The following ALOX5 variants were observed in gnomAD, a reference collection of about 807,000 sequenced individuals.
The protein encoded by ALOX5 is polyunsaturated fatty acid 5-lipoxygenase.
ALOX5 carries 64 observed loss-of-function variants against 87.9 expected under a neutral mutation model. The ratio of observed to expected loss-of-function variants is 0.73; its 90% CI spans 0.60 to 0.90. The LOEUF is 0.90. Ranked by LOEUF, ALOX5 falls within the 40% of genes least tolerant of loss-of-function variation. The pLI, the probability that ALOX5 is intolerant of heterozygous loss-of-function variation, is 0.00. For synonymous variants in ALOX5, 388 were observed against 355.1 expected, an observed-to-expected ratio of 1.09 and a Z score of -1.04; for missense variants, 822 against 907.5, an observed-to-expected ratio of 0.91 and a Z score of 1.21.
At chr10:45,375,471 C>T (rs1267741335) in intron 1 of ALOX5, among the ~76,000 whole-genome samples, 1 of 152,232 alleles carries the variant, frequency 6.6e-6, no homozygotes, top group Admixed American at 6.5e-5. Context: ...CCCACCCCAG[C>T]TCCTAACTGG....
chr10:45,442,339 G>C (rs1842263634), intron 9 of ALOX5, among the ~76,000 whole-genome samples: 1 of 152,208 alleles, frequency 6.6e-6, no homozygotes, highest in African/African-American at 2.4e-5. Flanking sequence ...CATCTAAACA[G>C]AAAGTGCTGG....
At chr10:45,442,989 C>G in intron 9 of ALOX5, 49 bp from the exon 10 acceptor site, 1 of 1,574,890 alleles carries the variant, frequency 6.3e-7, no homozygotes, top group Non-Finnish European at 8.6e-7. Context: ...TGGGTCTGGA[C>G]AGCTGTGGGA....
intron 4 of ALOX5, among the ~76,000 whole-genome samples, chr10:45,413,150 T>G (rs1167960885): frequency 6.6e-6 from 1 of 152,102 alleles, no homozygotes; most frequent in Non-Finnish European, 1.5e-5. Flanking sequence ...CAAAGAGAAT[T>G]TTAGACCAAT....
At chr10:45,381,514 G>A (rs567450180) in intron 1 of ALOX5, among the ~76,000 whole-genome samples, 4 of 152,198 alleles carry the variant, frequency 2.6e-5, no homozygotes, top group African/African-American at 9.7e-5. Context: ...TGTGGAAGGG[G>A]TGGTAACTCC....
rs1368760916 is a variant in ALOX5, at chr10:45,425,620, G to C, written c.834+488G>C. Reference sequence around the variant, plus strand: ...TAGAAATGCTGCTGCCCATGCTCCTGTCGCACCCTCCTCCCCACCCTCACC... The same window carrying C: ...TAGAAATGCTGCTGCCCATGCTCCTCTCGCACCCTCCTCCCCACCCTCACC... On this transcript the variant is annotated intron_variant, in intron 6 of 13. Coordinates refer to ENST00000374391, the MANE Select transcript of ALOX5 (RefSeq NM_000698.5). The surrounding 1 kb of genome is among the most constrained non-coding windows in gnomAD (Gnocchi z 4.4). Among the ~76,000 whole-genome samples, 1 of 152,218 alleles carries C rather than the reference G, an allele frequency of 6.6e-6. No homozygotes were observed. The highest frequency in any genetic ancestry group is 2.4e-5 in the African/African-American group (1 of 41,458).
intron 1 of ALOX5, among the ~76,000 whole-genome samples, chr10:45,379,609 C>T (rs540325360): frequency 6.6e-6 from 1 of 152,362 alleles, no homozygotes; most frequent in African/African-American, 2.4e-5. Flanking sequence ...TGCTAGCTCA[C>T]AGGCGGTGTG....
chr10:45,403,007 G>A (rs1383119667), intron 3 of ALOX5, among the ~76,000 whole-genome samples: 4 of 152,320 alleles, frequency 2.6e-5, no homozygotes, highest in Non-Finnish European at 4.4e-5. Flanking sequence ...GAGTATTAAA[G>A]AAGATCCAGA....
In ALOX5 at chr10:45,445,543, C is replaced by T. The variant is rs772964649; in HGVS notation, c.1881C>T (p.Ile627=). 7 of 1,614,122 alleles carry T rather than the reference C, an allele frequency of 4.3e-6. No individual in the cohort carries two copies. The highest frequency in any genetic ancestry group is 5.1e-6 in the Non-Finnish European group (6 of 1,180,002). Reference sequence around the variant, plus strand: ...GCATGTACCCAGAAGAGCATTTTATCGAGAAGCCTGTGAAGGAAGCCATGG... The same window carrying T: ...GCATGTACCCAGAAGAGCATTTTATTGAGAAGCCTGTGAAGGAAGCCATGG... The part of the protein sequence containing the change: ...FLGMYPEEHF[I]EKPVKEAMAR... The change falls in exon 14 of 14, where the codon ATC becomes ATT. Residue 627 remains isoleucine, a synonymous_variant. Coordinates refer to ENST00000374391, the MANE Select transcript of ALOX5 (RefSeq NM_000698.5).
intron 3 of ALOX5, among the ~76,000 whole-genome samples, chr10:45,406,526 C>T (rs946579454): frequency 1.3e-5 from 2 of 152,204 alleles, no homozygotes; most frequent in Non-Finnish European, 2.9e-5. Context: ...TGTCTTTCCA[C>T]CTCTCTAGAT....
intron 1 of ALOX5, among the ~76,000 whole-genome samples, chr10:45,378,452 T>G (rs1203754971): frequency 2.6e-5 from 4 of 152,196 alleles, no homozygotes; most frequent in Non-Finnish European, 5.9e-5. Flanking sequence ...GCCCAGTGCT[T>G]CCTGAGGGCC....
chr10:45,440,199 C>T (rs1002522981), intron 7 of ALOX5, among the ~76,000 whole-genome samples: 5 of 152,134 alleles, frequency 3.3e-5, no homozygotes, highest in African/African-American at 9.7e-5. Flanking sequence ...ATGCTGAAGC[C>T]GGAGCTTAGA....
At chr10:45,438,244 T>G (rs1469971504) in intron 7 of ALOX5, among the ~76,000 whole-genome samples, 1 of 152,180 alleles carries the variant, frequency 6.6e-6, no homozygotes, top group Non-Finnish European at 1.5e-5. Context: ...CCTTGTCTTG[T>G]TCCAGTTTTT....
rs1390015465 is a variant in ALOX5, at chr10:45,382,552, A to G, written c.220A>G (p.Lys74Glu). The G allele has an allele frequency of 3.1e-6, 5 of 1,614,092 alleles. No homozygotes were observed. Among genetic ancestry groups the G allele is most frequent in the Non-Finnish European group, 4.2e-6 (5 of 1,180,056 alleles). ...EIQLVRIEKRKYWLNDDWYLK... is the reference protein window; with the variant it reads ...EIQLVRIEKREYWLNDDWYLK... Reference sequence around the variant, plus strand: ...CCAGCTGGTCAGAATCGAGAAGCGCAAGTACTGGCTGAATGACGACTGGTA... The same window carrying G: ...CCAGCTGGTCAGAATCGAGAAGCGCGAGTACTGGCTGAATGACGACTGGTA... The change falls in exon 2 of 14, where the codon AAG becomes GAG. Residue 74 changes from lysine to glutamate, a missense_variant. Transcript: ENST00000374391.
chr10:45,412,371 G>A lies in ALOX5; in HGVS notation c.554+58G>A. Reference sequence around the variant, plus strand: ...GCCCCTCCAGTGGCTGGTGCTGGGGGTGGAACCCTCACTCCTTTCCTCATG... The same window carrying A: ...GCCCCTCCAGTGGCTGGTGCTGGGGATGGAACCCTCACTCCTTTCCTCATG... On this transcript the variant is annotated intron_variant, in intron 4 of 13. Transcript: ENST00000374391. The A allele has an allele frequency of 1.9e-6, 3 of 1,602,352 alleles. No individual in the cohort carries two copies. In the East Asian group the frequency reaches 6.7e-5, roughly 36 times the overall value.
At chr10:45,428,852 G>C in intron 7 of ALOX5, 88 bp downstream of exon 7, 1 of 1,526,510 alleles carries the variant, frequency 6.6e-7, no homozygotes, top group Non-Finnish European at 8.9e-7. Flanking sequence ...CTCCAGCTGA[G>C]GAAGCTATGT....
At position 45,425,580 on chromosome 10, in the gene ALOX5, G is replaced by C. The variant is rs551667819; in HGVS notation, c.834+448G>C. On this transcript the variant is annotated intron_variant, in intron 6 of 13. Coordinates refer to ENST00000374391, the MANE Select transcript of ALOX5 (RefSeq NM_000698.5). The surrounding 1 kb of genome is among the most constrained non-coding windows in gnomAD (Gnocchi z 4.4). ...GGCACGAGGAGAAACCCAACAGAAT[G>C]GTTGATTTTCTCGTTAGAAATGCTG... Among the ~76,000 whole-genome samples the C allele has an allele frequency of 1.6e-4, 24 of 152,318 alleles. No individual in the cohort carries two copies. Among genetic ancestry groups the C allele is most frequent in the Non-Finnish European group, 2.8e-4 (19 of 68,018 alleles).
intron 3 of ALOX5, among the ~76,000 whole-genome samples, chr10:45,400,101 C>T (rs1033613180): frequency 1.3e-5 from 2 of 152,182 alleles, no homozygotes; most frequent in Non-Finnish European, 1.5e-5. Flanking sequence ...ATCTGAAACC[C>T]AGCTACAATA....
intron 2 of ALOX5, among the ~76,000 whole-genome samples, chr10:45,393,862 C>G (rs1840396141): frequency 6.6e-6 from 1 of 152,134 alleles, no homozygotes; most frequent in Non-Finnish European, 1.5e-5. Flanking sequence ...ACAATTGCTA[C>G]AAAGAGAATA....
intron 8 of ALOX5, 131 bp downstream of exon 8, chr10:45,440,764 C>G (rs1842209577): frequency 2.9e-6 from 3 of 1,028,282 alleles, no homozygotes; most frequent in Non-Finnish European, 4.2e-6. Context: ...GAGAGATGTT[C>G]TCAGAGTCAG....
Sources: gnomAD v4.1 joint callset for allele counts (sites outside exome capture counted in the v4.1 genomes callset) on GRCh38, gnomAD v4.1.1 for gene constraint, Gnocchi (gnomAD v3.1) non-coding constraint, MANE v1.5 for transcripts, NCBI Gene and HGNC (gene_info 2026-07-23, HGNC 2026-07-21) for gene names.